The following FBH1 variants were observed in gnomAD, a reference collection of about 807,000 sequenced individuals.
FBH1 encodes the protein F-box DNA helicase 1.
Under a neutral mutation model 115.5 loss-of-function variants are expected in FBH1, and 43 were observed. That is an observed-to-expected ratio of 0.37 (90% CI 0.29 to 0.48). The LOEUF is 0.48. Ranked by LOEUF, FBH1 falls within the 20% of genes least tolerant of loss-of-function variation. The probability of loss-of-function intolerance (pLI) is 0.99; values close to 1 mark genes in which losing one functional copy is unlikely to be tolerated. For missense variants in FBH1, 1,001 were observed against 1,337.3 expected, an observed-to-expected ratio of 0.75 and a Z score of 3.92; for synonymous variants, 524 against 507.8, an observed-to-expected ratio of 1.03 and a Z score of -0.43.
intron 19 of FBH1, among the ~76,000 whole-genome samples, chr10:5,928,148 CTTT>C (rs753773157): frequency 1.7e-5 from 2 of 114,880 alleles, no homozygotes; most frequent in Non-Finnish European, 1.7e-5. Context: ...TCAATTAGTT[CTTT>C]TTTTTTTTTT....
In FBH1 at chr10:5,902,719, G is replaced by A. The variant is rs375303577; in HGVS notation, c.2-301G>A. On this transcript the variant is annotated intron_variant, in intron 1 of 20. Transcript: ENST00000362091. ...TCTGGGATTACAGACGTGAGCCAGC[G>A]CGCCCAGCCACAACGTTTTCTTAAA... is the stretch of plus-strand genomic sequence containing the variant. Among the ~76,000 whole-genome samples, 6 of 152,108 alleles carry A rather than the reference G, an allele frequency of 3.9e-5. No homozygotes were observed. In the South Asian group the frequency reaches 8.3e-4, roughly 21 times the overall value.
Position 5,917,648 on chromosome 10 carries a change from T to G in FBH1, c.1935T>G (p.Phe645Leu). The G allele has an allele frequency of 6.2e-7, 1 of 1,614,130 alleles. No homozygotes were observed. Reference sequence around the variant, plus strand: ...CGCTGGCCTCTTTTGACGCCATCTTTGTGGATGAGGCCCAGGACTGCACAC... The same window carrying G: ...CGCTGGCCTCTTTTGACGCCATCTTGGTGGATGAGGCCCAGGACTGCACAC... ...KPSLASFDAI[F>L]VDEAQDCTPA... is the part of the protein sequence containing the mutation. The change falls in exon 12 of 21, where the codon TTT becomes TTG. Residue 645 changes from phenylalanine (F) to leucine (L), a missense_variant. Coordinates refer to ENST00000362091, the MANE Select transcript of FBH1 (RefSeq NM_178150.3). This position sits in a 1 kb window ranked among gnomAD's most constrained non-coding sequence, Gnocchi z 5.6.
chr10:5,919,491 A>T (rs1472701385), intron 13 of FBH1, among the ~76,000 whole-genome samples: 7 of 152,222 alleles, frequency 4.6e-5, no homozygotes, highest in Non-Finnish European at 1.0e-4. Flanking sequence ...GTCTTAAAAA[A>T]AAATAGTTTT....
At position 5,932,961 on chromosome 10, in the gene FBH1, C is replaced by T. The variant is rs1418641942; in HGVS notation, c.2830-3495C>T. Among the ~76,000 whole-genome samples, 2 of 152,032 alleles carry T rather than the reference C, an allele frequency of 1.3e-5. No homozygotes were observed. The highest frequency in any genetic ancestry group is 4.8e-5 in the African/African-American group (2 of 41,394). ...AAACTCATGAGCTCAAGTGATCTGC[C>T]CTGCCTTAGCCTCCCAAAGTGCTAG... On this transcript the variant is annotated intron_variant, in intron 19 of 20. Transcript: ENST00000362091. This position sits in a 1 kb window ranked among gnomAD's most constrained non-coding sequence, Gnocchi z 5.9.
Position 5,917,360 on chromosome 10 carries a change from G to T in FBH1, c.1789-60G>T. ...CTGTATGGGAGTTGACAGTGTGACC[G>T]CAGGGTGCTGCCTTTGCCAGGGTCT... On this transcript the variant is annotated intron_variant, in intron 10 of 20. Transcript: ENST00000362091. This position sits in a 1 kb window ranked among gnomAD's most constrained non-coding sequence, Gnocchi z 5.6. 1 of 1,420,190 alleles carries T rather than the reference G, an allele frequency of 7.0e-7. No individual in the cohort carries two copies. The highest frequency in any genetic ancestry group is 1.2e-5 in the South Asian group (1 of 84,612). 88.0% of individuals were successfully genotyped at this position (1,420,190 alleles called of 1,614,324 possible).
At chr10:5,894,519 C>G (rs1564427855) in intron 1 of FBH1, 4 of 878,336 alleles carry the variant, frequency 4.6e-6, no homozygotes, top group Non-Finnish European at 5.9e-6. Flanking sequence ...CAGGCAAGTC[C>G]TCTCTGAGCC....
rs527746440 is a variant in FBH1, at chr10:5,929,013, G to A, written c.2829+1472G>A. 5.3e-5 allele frequency among the ~76,000 whole-genome samples: 8 copies of A among 152,232 alleles called. No homozygotes were observed. In the East Asian group the frequency reaches 1.5e-3, roughly 29 times the overall value. On this transcript the variant is annotated intron_variant, in intron 19 of 20. Transcript: ENST00000362091. ...TGAACCACAGGGTGCAGGCAGGGTGGGCGGTCACCACTTTTGAGTAAATGA... is the reference window on the plus strand; with the variant it reads ...TGAACCACAGGGTGCAGGCAGGGTGAGCGGTCACCACTTTTGAGTAAATGA...
intron 19 of FBH1, 91 bp downstream of exon 19, chr10:5,927,632 C>A: frequency 1.1e-6 from 1 of 923,916 alleles, no homozygotes; most frequent in Non-Finnish European, 1.7e-6. Flanking sequence ...CAGAGGCCTT[C>A]GGATCAAGAT....
chr10:5,928,642 A>C (rs1241055361), intron 19 of FBH1: 3 of 152,124 alleles, frequency 2.0e-5, no homozygotes, highest in Non-Finnish European at 2.9e-5. Context: ...TGAGCTGGTC[A>C]GCACTCACTC....
In FBH1 at chr10:5,908,988, G is replaced by C; in HGVS notation, c.817G>C (p.Val273Leu). The C allele has an allele frequency of 6.2e-7, 1 of 1,614,214 alleles. No individual in the cohort carries two copies. The highest frequency in any genetic ancestry group is 1.1e-5 in the South Asian group (1 of 91,088). Reference protein sequence around the residue: ...LMNEEQAVSKVDGILSNCGIE... With the variant: ...LMNEEQAVSKLDGILSNCGIE... ...GAATGAAGAGCAAGCTGTCAGCAAA[G>C]TGGACGGCATCCTGTCTAACTGTGG... The change falls in exon 4 of 21, where the codon GTG becomes CTG. Residue 273 changes from valine to leucine, a missense_variant. Val to Leu is a conservative substitution (Grantham distance 32, BLOSUM62 1). Around this residue, in one of 4 missense-constraint regions of FBH1, gnomAD observed 420 missense variants for 430.4 expected, o/e 0.98. Coordinates refer to ENST00000362091, the MANE Select transcript of FBH1 (RefSeq NM_178150.3).
rs1564444577 is a variant in FBH1 at position 5,910,523 on chromosome 10, C to T, written c.1021-415C>T. On this transcript the variant is annotated intron_variant, in intron 5 of 20. Coordinates refer to ENST00000362091, the MANE Select transcript of FBH1 (RefSeq NM_178150.3). The surrounding 1 kb of genome is among the most constrained non-coding windows in gnomAD (Gnocchi z 4.8). ...GCCTGCGTGCGGCCCTCTCCTGTGT[C>T]TGCGTCTCTCATGCCTCTTGGGTGG... is the stretch of plus-strand genomic sequence containing the variant. Among the ~76,000 whole-genome samples, 1 of 152,154 alleles carries T rather than the reference C, an allele frequency of 6.6e-6. No homozygotes were observed.
In FBH1 at chr10:5,918,486, C is replaced by G. The variant is rs367666289; in HGVS notation, c.2100+8C>G. The G allele has an allele frequency of 3.2e-6, 5 of 1,585,920 alleles. No homozygotes were observed. The African/African-American group carries it at 6.8e-5, about 22-fold the overall frequency. On this transcript the variant is annotated splice_region_variant and intron_variant, in intron 13 of 20. Coordinates refer to ENST00000362091, the MANE Select transcript of FBH1 (RefSeq NM_178150.3). This position sits in a 1 kb window ranked among gnomAD's most constrained non-coding sequence, Gnocchi z 4.0. ...GTCTTCTATCTCACGCAGGTAAGTG[C>G]GCACTCTGCATGGGAGGCATTGCAT...
chr10:5,901,568 CTTT>C (rs367715134), intron 1 of FBH1, among the ~76,000 whole-genome samples: 5 of 130,416 alleles, frequency 3.8e-5, no homozygotes, highest in East Asian at 4.5e-4. Context: ...TTTTCTTTTT[CTTT>C]TTTTTTTTTT....
rs1831705213 is a variant in FBH1 at position 5,913,063 on chromosome 10, T to A, written c.1212-684T>A. The stretch of plus-strand genomic sequence containing the variant: ...AGCGAGTCCAAGCTCACCCCCGGTC[T>A]CCCCCACAGTCCAGGGGAGACTTGG... On this transcript the variant is annotated intron_variant, in intron 6 of 20. Transcript: ENST00000362091. This position sits in a 1 kb window ranked among gnomAD's most constrained non-coding sequence, Gnocchi z 4.4. 6.6e-6 allele frequency among the ~76,000 whole-genome samples: 1 copy of A among 152,016 alleles called. No homozygotes were observed. The highest frequency in any genetic ancestry group is 1.5e-5 in the Non-Finnish European group (1 of 67,998).
Position 5,919,653 on chromosome 10 carries a change from A to G in FBH1, c.2100+1175A>G, listed in dbSNP as rs564078629. ...AGCAGTTCGAGAACCACTGCTTTTA[A>G]GAAACTTATTTCTGATTAGAAGAGA... is the stretch of plus-strand genomic sequence containing the variant. On this transcript the variant is annotated intron_variant, in intron 13 of 20. Coordinates refer to ENST00000362091, the MANE Select transcript of FBH1 (RefSeq NM_178150.3). 2.6e-3 allele frequency among the ~76,000 whole-genome samples: 389 copies of G among 152,304 alleles called. 1 individual carries two copies. Among genetic ancestry groups the G allele is most frequent in the African/African-American group, 9.1e-3 (378 of 41,556 alleles).
intron 1 of FBH1, among the ~76,000 whole-genome samples, chr10:5,892,088 G>T (rs1256213967): frequency 6.6e-6 from 1 of 152,180 alleles, no homozygotes; most frequent in East Asian, 1.9e-4. Context: ...CAAAAGCTTG[G>T]TCTAGAGGGG....
Position 5,921,544 on chromosome 10 carries a change from T to A in FBH1, c.2297T>A (p.Phe766Tyr). 6.3e-7 allele frequency: 1 copy of A among 1,594,554 alleles called. No homozygotes were observed. The part of the protein sequence containing the change: ...DEAVRVTEGE[F>Y]PSRIHLIGGI... ...GCCGTACGGGTGACGGAAGGGGAAT[T>A]CCCTTCAAGGATACATTTGATTGGG... The change falls in exon 15 of 21, where the codon TTC becomes TAC. Residue 766 changes from phenylalanine to tyrosine, a missense_variant. Physicochemically the swap from Phe to Tyr is conservative, Grantham distance 22 (BLOSUM62 3). Coordinates refer to ENST00000362091, the MANE Select transcript of FBH1 (RefSeq NM_178150.3). This position sits in a 1 kb window ranked among gnomAD's most constrained non-coding sequence, Gnocchi z 6.4.
In FBH1 at chr10:5,914,216, T is replaced by A. The variant is rs1831785895; in HGVS notation, c.1343T>A (p.Ile448Asn). The A allele has an allele frequency of 6.2e-7, 1 of 1,614,108 alleles. No individual in the cohort carries two copies. The highest frequency in any genetic ancestry group is 1.7e-5 in the Admixed American group (1 of 60,014). Residue 448 changes from isoleucine to asparagine, a missense_variant, in exon 8 of 21, where the codon ATT becomes AAT. Ile to Asn is a moderately radical substitution (Grantham distance 149). Coordinates refer to ENST00000362091, the MANE Select transcript of FBH1 (RefSeq NM_178150.3). This position sits in a 1 kb window ranked among gnomAD's most constrained non-coding sequence, Gnocchi z 5.2. The stretch of plus-strand genomic sequence containing the variant: ...CAACTTACACATGAACAACAGCTGA[T>A]TCTGAATCACAAGATGGAACCTCTC... ...TIQLTHEQQL[I>N]LNHKMEPLQV... is the part of the protein sequence containing the mutation.
In FBH1 at chr10:5,921,219, A is replaced by G; in HGVS notation, c.2101-39A>G. 2.5e-6 allele frequency: 4 copies of G among 1,594,408 alleles called. No individual in the cohort carries two copies. Among genetic ancestry groups the G allele is most frequent in the South Asian group, 1.1e-5 (1 of 90,390 alleles). On this transcript the variant is annotated intron_variant, in intron 13 of 20. Coordinates refer to ENST00000362091, the MANE Select transcript of FBH1 (RefSeq NM_178150.3). This position sits in a 1 kb window ranked among gnomAD's most constrained non-coding sequence, Gnocchi z 6.4. ...TGATGGAAATGCACGGACACACCAC[A>G]GGGCGGGCTGCTGACTCCCTCTGTC...
Sources: allele counts gnomAD v4.1 joint callset (sites outside exome capture counted in the v4.1 genomes callset), GRCh38; gene constraint gnomAD v4.1.1; regional missense constraint gnomAD v4.1.1; non-coding constraint Gnocchi (gnomAD v3.1); transcripts MANE v1.5; gene names NCBI Gene and HGNC (gene_info 2026-07-23, HGNC 2026-07-21).